The following CADM2 variants were observed in gnomAD, a reference collection of about 807,000 sequenced individuals.
CADM2 encodes cell adhesion molecule 2.
Under a neutral mutation model 49.8 loss-of-function variants are expected in CADM2, and 12 were observed. That is an observed-to-expected ratio of 0.24 (90% CI 0.15 to 0.39). The LOEUF (loss-of-function observed/expected upper bound fraction) is 0.39, where lower values mean the gene tolerates loss of function less well. Ranked by LOEUF, CADM2 falls within the 10% of genes least tolerant of loss-of-function variation. The pLI, the probability that CADM2 is intolerant of heterozygous loss-of-function variation, is 1.00. For synonymous variants in CADM2, 214 were observed against 175.4 expected, an observed-to-expected ratio of 1.22 and a Z score of -1.74; for missense variants, 378 against 492.3, an observed-to-expected ratio of 0.77 and a Z score of 2.20.
intron 8 of CADM2, chr3:86,012,826 T>A: frequency 1.9e-6 from 1 of 536,646 alleles, no homozygotes; most frequent in Non-Finnish European, 3.3e-6. Context: ...AATACAAAAA[T>A]TAGCCGGGAG....
At chr3:85,159,764 A>G (rs978029355) in intron 1 of CADM2, among the ~76,000 whole-genome samples, 3 of 152,094 alleles carry the variant, frequency 2.0e-5, no homozygotes, top group Admixed American at 6.6e-5. Context: ...GTTTTTAGGG[A>G]TAGTTTCATC....
At chr3:86,011,777 A>G (rs757350470) in intron 8 of CADM2, among the ~76,000 whole-genome samples, 1 of 152,152 alleles carries the variant, frequency 6.6e-6, no homozygotes, top group African/African-American at 2.4e-5. Flanking sequence ...TGCTAGAAAT[A>G]GGTAGAGATT....
At chr3:86,004,025 C>G (rs1287176856) in intron 8 of CADM2, among the ~76,000 whole-genome samples, 2 of 151,930 alleles carry the variant, frequency 1.3e-5, no homozygotes, top group African/African-American at 2.4e-5. Context: ...ACATGCAGAC[C>G]ATGGATCCTT....
chr3:85,684,633 G>C (rs1334384661), intron 1 of CADM2, among the ~76,000 whole-genome samples: 1 of 152,156 alleles, frequency 6.6e-6, no homozygotes, highest in African/African-American at 2.4e-5. Context: ...CATCGCTGGG[G>C]AGGTCTCACA....
chr3:85,552,202 T>C (rs1477133725), intron 1 of CADM2, among the ~76,000 whole-genome samples: 2 of 152,096 alleles, frequency 1.3e-5, no homozygotes, highest in Admixed American at 1.3e-4. Flanking sequence ...AGCCTAAATA[T>C]GATAATTGAC....
chr3:85,840,820 T>C (rs2074608738), intron 3 of CADM2, among the ~76,000 whole-genome samples: 1 of 151,876 alleles, frequency 6.6e-6, no homozygotes, highest in African/African-American at 2.4e-5. Context: ...TAAATTTATA[T>C]GAAATGAAAC....
intron 1 of CADM2, among the ~76,000 whole-genome samples, chr3:85,107,660 T>TTTTTTCC (rs2038294414): frequency 6.6e-6 from 1 of 150,512 alleles, no homozygotes; most frequent in Non-Finnish European, 1.5e-5. Context: ...TCTTTCTTTT[T>TTTTTTCC]TTCCTTCCTT....
At chr3:84,995,032 AAAAT>A (rs1035710783) in intron 1 of CADM2, among the ~76,000 whole-genome samples, 2 of 152,284 alleles carry the variant, frequency 1.3e-5, no homozygotes, top group Admixed American at 6.5e-5. Context: ...TCTGTCTCAA[AAAAT>A]AAATAAATAA....
At chr3:85,343,064 G>C (rs1432250845) in intron 1 of CADM2, among the ~76,000 whole-genome samples, 1 of 152,038 alleles carries the variant, frequency 6.6e-6, no homozygotes, top group Non-Finnish European at 1.5e-5. Flanking sequence ...GGAAACTTTT[G>C]GCAATGTCTG....
chr3:85,212,818 CTTTCTT>C (rs2041812871), intron 1 of CADM2, among the ~76,000 whole-genome samples: 1 of 62,282 alleles, frequency 1.6e-5, no homozygotes, highest in African/African-American at 7.7e-5. Flanking sequence ...TCTTCTCTTT[CTTTCTT>C]TCTTTCTTTC....
At chr3:85,030,441 G>T (rs2034929588) in intron 1 of CADM2, among the ~76,000 whole-genome samples, 1 of 152,104 alleles carries the variant, frequency 6.6e-6, no homozygotes. Context: ...TTTGTCCACG[G>T]ATCATTTTCA....
intron 1 of CADM2, among the ~76,000 whole-genome samples, chr3:85,324,961 T>C (rs73130770): frequency 9.3e-4 from 142 of 152,328 alleles, no homozygotes; most frequent in Non-Finnish European, 1.8e-3. Context: ...CCTTGCCCTC[T>C]GCAGCTGGTT....
intron 3 of CADM2, among the ~76,000 whole-genome samples, chr3:85,835,111 G>T (rs565568305): frequency 1.3e-5 from 2 of 151,636 alleles, no homozygotes; most frequent in South Asian, 4.1e-4. Context: ...CATCCAACTT[G>T]CAGTGAACAA....
chr3:85,634,839 T>C (rs1431323693), intron 1 of CADM2, among the ~76,000 whole-genome samples: 1 of 151,994 alleles, frequency 6.6e-6, no homozygotes, highest in African/African-American at 2.4e-5. Flanking sequence ...AACTTTAAAA[T>C]TCCATAGCTA....
intron 1 of CADM2, among the ~76,000 whole-genome samples, chr3:85,158,050 C>G (rs2040196164): frequency 6.6e-6 from 1 of 152,168 alleles, no homozygotes; most frequent in Admixed American, 6.5e-5. Flanking sequence ...AGACACTTCT[C>G]AAAAGAAGCC....
At chr3:85,239,932 T>C in intron 1 of CADM2, among the ~76,000 whole-genome samples, 1 of 151,560 alleles carries the variant, frequency 6.6e-6, no homozygotes, top group Middle Eastern at 3.5e-3. Flanking sequence ...TCCCATAAGA[T>C]TTGATTATGG....
chr3:85,186,859 C>A (rs537784361), intron 1 of CADM2, among the ~76,000 whole-genome samples: 1 of 152,200 alleles, frequency 6.6e-6, no homozygotes, highest in Admixed American at 6.5e-5. Flanking sequence ...CAGGTAATTT[C>A]TGTAAGGGTA....
Position 85,511,822 on chromosome 3 carries a change from A to G in CADM2, c.62-214700A>G, listed in dbSNP as rs2040630145. 8.4e-6 allele frequency: 8 copies of G among 948,412 alleles called. No individual in the cohort carries two copies. In the South Asian group the frequency reaches 3.9e-4, roughly 46 times the overall value. The allele number at this position is 948,412 out of a possible 1,614,324, so 58.7% of individuals were successfully genotyped here. ...CAAACTTCGAAATAATATCCCTTTGAAACTAATGGCATGTTTTATTTCTTT... is the reference window on the plus strand; with the variant it reads ...CAAACTTCGAAATAATATCCCTTTGGAACTAATGGCATGTTTTATTTCTTT... On this transcript the variant is annotated intron_variant, in intron 1 of 9. Transcript: ENST00000383699.
chr3:85,586,920 A>ATC (rs1420938803), intron 1 of CADM2, among the ~76,000 whole-genome samples: 2 of 152,104 alleles, frequency 1.3e-5, no homozygotes, highest in African/African-American at 4.8e-5. Context: ...CCTACAGACA[A>ATC]TCATGAGAAT....
Sources: allele counts gnomAD v4.1 joint callset (sites outside exome capture counted in the v4.1 genomes callset), GRCh38; gene constraint gnomAD v4.1.1; transcripts MANE v1.5; gene names NCBI Gene and HGNC (gene_info 2026-07-23, HGNC 2026-07-21).